The following EXOC4 variants were observed in gnomAD, a reference collection of about 807,000 sequenced individuals.
EXOC4 encodes the protein SEC8-like 1.
Under a neutral mutation model 107.2 loss-of-function variants are expected in EXOC4, and 71 were observed. The ratio of observed to expected loss-of-function variants is 0.66; its 90% CI spans 0.55 to 0.81. The LOEUF (loss-of-function observed/expected upper bound fraction) is 0.81. Ranked by LOEUF, EXOC4 falls within the 30% of genes least tolerant of loss-of-function variation. The pLI is 0.00. For synonymous variants in EXOC4, 456 were observed against 441.2 expected (o/e 1.03, Z -0.42); for missense variants, 1,108 against 1,189.6 (o/e 0.93, Z 1.01).
chr7:133,719,797 T>A (rs1795069496), intron 10 of EXOC4, among the ~76,000 whole-genome samples: 1 of 152,210 alleles, frequency 6.6e-6, no homozygotes, highest in African/African-American at 2.4e-5. Context: ...GTAATTGTTT[T>A]TAATGTAGCG....
chr7:133,695,463 T>A (rs1245244134), intron 10 of EXOC4, among the ~76,000 whole-genome samples: 1 of 152,090 alleles, frequency 6.6e-6, no homozygotes, highest in Non-Finnish European at 1.5e-5. Flanking sequence ...ATATATTGAT[T>A]TTTTTTATTA....
intron 9 of EXOC4, among the ~76,000 whole-genome samples, chr7:133,587,618 T>A (rs1801436906): frequency 6.6e-6 from 1 of 152,214 alleles, no homozygotes; most frequent in Admixed American, 6.5e-5. Context: ...TTAACATCAT[T>A]GTTTGAACCT....
intron 9 of EXOC4, among the ~76,000 whole-genome samples, chr7:133,546,272 T>TTA (rs1554470304): frequency 6.7e-6 from 1 of 149,006 alleles, no homozygotes; most frequent in Non-Finnish European, 1.5e-5. Flanking sequence ...TTTTTTTTTT[T>TTA]CCGAGATGGA....
intron 10 of EXOC4, among the ~76,000 whole-genome samples, chr7:133,744,907 A>G (rs1401233321): frequency 4.6e-5 from 7 of 152,140 alleles, no homozygotes; most frequent in Admixed American, 2.6e-4. Context: ...CATGATCCCA[A>G]GCGTATAGAA....
chr7:133,995,272 C>T (rs554103963), intron 14 of EXOC4, among the ~76,000 whole-genome samples: 102 of 152,158 alleles, frequency 6.7e-4, no homozygotes, highest in Non-Finnish European at 1.1e-3. Context: ...AGTTTCTTGG[C>T]GGGATTTGTC....
intron 9 of EXOC4, among the ~76,000 whole-genome samples, chr7:133,542,621 C>G (rs1214454655): frequency 4.6e-5 from 7 of 151,904 alleles, no homozygotes; most frequent in Admixed American, 4.6e-4. Context: ...CTGTGGGTAG[C>G]CTTGGGGGAG....
chr7:134,071,764 G>A, the EXOC4 span, among the ~76,000 whole-genome samples: 3 of 152,108 alleles, frequency 2.0e-5, no homozygotes, highest in African/African-American at 7.2e-5. Flanking sequence ...GTTTGCTTGG[G>A]GGTTAGAAGC....
At chr7:133,829,156 G>A (rs1797758955) in intron 11 of EXOC4, among the ~76,000 whole-genome samples, 1 of 152,148 alleles carries the variant, frequency 6.6e-6, no homozygotes, top group Non-Finnish European at 1.5e-5. Flanking sequence ...ACTGACCATC[G>A]CGTGTTCTTG....
chr7:133,644,964 AT>A (rs1424789967), intron 10 of EXOC4, among the ~76,000 whole-genome samples: 9 of 151,948 alleles, frequency 5.9e-5, no homozygotes, highest in Non-Finnish European at 1.2e-4. Flanking sequence ...CCATAGCTGT[AT>A]CCCCTTTGCA....
At chr7:133,545,675 C>T (rs960073281) in intron 9 of EXOC4, among the ~76,000 whole-genome samples, 1 of 152,144 alleles carries the variant, frequency 6.6e-6, no homozygotes, top group Non-Finnish European at 1.5e-5. Context: ...GTCTTAGAAG[C>T]AATCTAGTTT....
chr7:133,667,009 T>C (rs1186224268), intron 10 of EXOC4, among the ~76,000 whole-genome samples: 1 of 152,222 alleles, frequency 6.6e-6, no homozygotes, highest in Non-Finnish European at 1.5e-5. Flanking sequence ...CCTGTTTCTC[T>C]TTCCTTTTCT....
At chr7:133,897,339 A>G (rs1213289149) in intron 12 of EXOC4, among the ~76,000 whole-genome samples, 1 of 152,170 alleles carries the variant, frequency 6.6e-6, no homozygotes, top group Non-Finnish European at 1.5e-5. Context: ...TATTTAGGTT[A>G]AAATCATACA....
intron 10 of EXOC4, among the ~76,000 whole-genome samples, chr7:133,680,037 T>C (rs1794153927): frequency 6.6e-6 from 1 of 152,228 alleles, no homozygotes; most frequent in African/African-American, 2.4e-5. Flanking sequence ...TTCCAAGGAA[T>C]GAATTTTATT....
intron 7 of EXOC4, among the ~76,000 whole-genome samples, chr7:133,394,196 T>C (rs2150721181): frequency 6.6e-6 from 1 of 152,316 alleles, no homozygotes; most frequent in East Asian, 1.9e-4. Context: ...GTGACAATAA[T>C]AGATTTGGAA....
At chr7:133,992,535 A>G (rs1156229218) in intron 14 of EXOC4, among the ~76,000 whole-genome samples, 2 of 151,902 alleles carry the variant, frequency 1.3e-5, no homozygotes, top group African/African-American at 4.8e-5. Flanking sequence ...TGCCCGCCTC[A>G]GGCTCCCAAA....
At chr7:133,384,674 T>TAGG (rs1205694839) in intron 7 of EXOC4, among the ~76,000 whole-genome samples, 3 of 151,954 alleles carry the variant, frequency 2.0e-5, no homozygotes, top group Non-Finnish European at 4.4e-5. Context: ...CTTGAGAAGG[T>TAGG]TTTAGAGCAA....
intron 9 of EXOC4, among the ~76,000 whole-genome samples, chr7:133,567,204 A>G (rs1001505272): frequency 6.6e-6 from 1 of 152,080 alleles, no homozygotes; most frequent in Admixed American, 6.6e-5. Context: ...AATTTATATC[A>G]TTAGTTTCTT....
intron 2 of EXOC4, among the ~76,000 whole-genome samples, chr7:133,285,091 A>G (rs1472650130): frequency 1.3e-5 from 2 of 151,502 alleles, no homozygotes; most frequent in African/African-American, 2.4e-5. Flanking sequence ...ATCCCACTAC[A>G]TCCTCTTCCT....
At chr7:133,723,146 G>C (rs1289172852) in intron 10 of EXOC4, among the ~76,000 whole-genome samples, 1 of 152,178 alleles carries the variant, frequency 6.6e-6, no homozygotes, top group Non-Finnish European at 1.5e-5. Flanking sequence ...CATGTCTGTT[G>C]CTCATTAAAG....
Sources: gnomAD v4.1 joint callset for allele counts (sites outside exome capture counted in the v4.1 genomes callset) on GRCh38, gnomAD v4.1.1 for gene constraint, MANE v1.5 for transcripts, NCBI Gene and HGNC (gene_info 2026-07-23, HGNC 2026-07-21) for gene names.